Variants in PHF14 observed in about 807,000 individuals in gnomAD.
PHF14 encodes PHD finger protein 14.
Under a neutral mutation model 117.9 loss-of-function variants are expected in PHF14, and 55 were observed. That is an observed-to-expected ratio of 0.47 (90% confidence interval 0.38 to 0.58). PHF14 has a LOEUF of 0.58. Among genes scored for constraint, PHF14 ranks in the 20% least tolerant of loss-of-function variants. The pLI, the probability that PHF14 is intolerant of heterozygous loss-of-function variation, is 0.00. For missense variants in PHF14, 978 were observed against 1,122.2 expected, an observed-to-expected ratio of 0.87 and a Z score of 1.84; for synonymous variants, 409 against 368.6, an observed-to-expected ratio of 1.11 and a Z score of -1.26.
intron 16 of PHF14, chr7:11,103,388 A>G (rs1016478317): frequency 1.0e-6 from 1 of 977,000 alleles, no homozygotes; most frequent in East Asian, 1.1e-4. Context: ...GGGAAGTACA[A>G]AGATTATTGA....
chr7:11,061,973 C>G lies in PHF14; in HGVS notation c.2542C>G (p.Pro848Ala). ...PEEEKHEERV[P>A]RERRQRQSVL... is the part of the protein sequence containing the mutation. ...ATCCCTTGTATGGCAGGAAAGAGTT[C>G]CTAGAGAGAGAAGACAAAGACAGTC... is the stretch of plus-strand genomic sequence containing the variant. Residue 848 changes from proline (P) to alanine (A), a missense_variant, in exon 16 of 18, where the codon CCT becomes GCT. This residue lies in a region of PHF14 where 180 missense variants were observed against 195.4 expected (regional missense o/e 0.92). Coordinates refer to ENST00000634607, the MANE Select transcript of PHF14 (RefSeq NM_001007157.2). The G allele has an allele frequency of 6.3e-7, 1 of 1,594,880 alleles. No individual in the cohort carries two copies. Among genetic ancestry groups the G allele is most frequent in the Non-Finnish European group, 8.5e-7 (1 of 1,169,630 alleles).
At position 11,111,454 on chromosome 7, in the gene PHF14, C is replaced by T; in HGVS notation, c.2759C>T (p.Ser920Phe). The T allele has an allele frequency of 6.4e-7, 1 of 1,556,002 alleles. No individual in the cohort carries two copies. The highest frequency in any genetic ancestry group is 8.8e-7 in the Non-Finnish European group (1 of 1,130,660). The change falls in exon 17 of 18, where the codon TCT becomes TTT. Residue 920 changes from serine (S) to phenylalanine (F), a missense_variant. Physicochemically the swap from Ser to Phe is radical, Grantham distance 155. Coordinates refer to ENST00000634607, the MANE Select transcript of PHF14 (RefSeq NM_001007157.2). ...GGATGGATATGTCAGGAATGTGATT[C>T]TTCATCTTCCAAGGTAAGGGGAGAA... The part of the protein sequence containing the change: ...GYGWICQECD[S>F]SSSKEDENEA...
chr7:11,108,849 T>G (rs1428328272), intron 16 of PHF14: 2 of 151,796 alleles, frequency 1.3e-5, no homozygotes, highest in African/African-American at 4.8e-5. Context: ...ATGATACACA[T>G]GCATCATGAT....
chr7:11,124,179 A>G lies in PHF14; in HGVS notation c.2772+12712A>G, dbSNP rs564271036. On this transcript the variant is annotated intron_variant, in intron 17 of 17. Coordinates refer to ENST00000634607, the MANE Select transcript of PHF14 (RefSeq NM_001007157.2). ...TGAATATTGGAAAAAAATTTTAAAC[A>G]TAAAGAAGTATTTTAAATTATCTGC... Among the ~76,000 whole-genome samples, 18 of 152,282 alleles carry G rather than the reference A, an allele frequency of 1.2e-4. 1 individual carries two copies. In the South Asian group the frequency reaches 3.5e-3, roughly 30 times the overall value.
At chr7:11,005,260 T>G (rs1424153721) in intron 4 of PHF14, among the ~76,000 whole-genome samples, 1 of 152,216 alleles carries the variant, frequency 6.6e-6, no homozygotes, top group East Asian at 1.9e-4. Context: ...GGCTGCAAGA[T>G]GGAAATTTGC....
chr7:11,101,812 T>C (rs547680743), intron 16 of PHF14, among the ~76,000 whole-genome samples: 23 of 152,020 alleles, frequency 1.5e-4, no homozygotes, highest in African/African-American at 4.1e-4. Flanking sequence ...CAGATCTAAA[T>C]GTTTGAAGGA....
intron 3 of PHF14, among the ~76,000 whole-genome samples, chr7:10,987,003 C>T (rs970926981): frequency 1.4e-4 from 22 of 152,074 alleles, no homozygotes; most frequent in African/African-American, 4.8e-4. Flanking sequence ...TAAAAGTCTC[C>T]GTTAAGTACA....
chr7:11,119,393 A>G (rs551509113), intron 17 of PHF14, among the ~76,000 whole-genome samples: 13 of 152,012 alleles, frequency 8.6e-5, no homozygotes, highest in South Asian at 8.3e-4. Flanking sequence ...TAATCAACCA[A>G]TATATCATAG....
At chr7:11,004,948 C>T (rs970328276) in intron 4 of PHF14, among the ~76,000 whole-genome samples, 1 of 151,656 alleles carries the variant, frequency 6.6e-6, no homozygotes. Flanking sequence ...ACCTGGGAGG[C>T]GGAGGTTACA....
intron 14 of PHF14, among the ~76,000 whole-genome samples, chr7:11,059,467 T>G (rs936010277): frequency 2.6e-5 from 4 of 152,212 alleles, no homozygotes; most frequent in Non-Finnish European, 5.9e-5. Flanking sequence ...GTTACTAATT[T>G]GGAGCATCTT....
At chr7:11,040,636 T>G in intron 11 of PHF14, 36 bp from the exon 12 acceptor site, 1 of 1,141,410 alleles carries the variant, frequency 8.8e-7, no homozygotes, top group East Asian at 2.8e-5. Context: ...ATTTCTTTCT[T>G]AAAACAATAT....
intron 4 of PHF14, among the ~76,000 whole-genome samples, chr7:10,992,120 C>G (rs1438583991): frequency 1.3e-5 from 2 of 151,778 alleles, no homozygotes; most frequent in Non-Finnish European, 2.9e-5. Context: ...GCGACACAAT[C>G]TCAGGTCACT....
At chr7:11,086,433 A>T (rs1035508793) in intron 16 of PHF14, among the ~76,000 whole-genome samples, 2 of 152,114 alleles carry the variant, frequency 1.3e-5, no homozygotes, top group East Asian at 3.8e-4. Context: ...TTTATGTTAT[A>T]CCTTCTCTCT....
At chr7:11,036,958 G>A in intron 9 of PHF14, 27 bp from the exon 10 acceptor site, 1 of 1,425,424 alleles carries the variant, frequency 7.0e-7, no homozygotes. Flanking sequence ...TCCTACTAAA[G>A]TAAAATTCGA....
intron 16 of PHF14, chr7:11,063,421 A>G (rs940247371): frequency 4.1e-6 from 4 of 974,280 alleles, no homozygotes; most frequent in East Asian, 1.1e-4. Context: ...ATAAAAATAA[A>G]GAAAAAAAAT....
chr7:11,006,682 TC>T, intron 4 of PHF14: 1 of 629,310 alleles, frequency 1.6e-6, no homozygotes, highest in Non-Finnish European at 3.0e-6. Context: ...CTGGGGGAGC[TC>T]TTCCGAGGAT....
In PHF14 at chr7:11,126,558, C is replaced by T. The variant is rs79410317; in HGVS notation, c.2772+15091C>T. On this transcript the variant is annotated intron_variant, in intron 17 of 17. Transcript: ENST00000634607. ...TGCAGTGAAATAAACTTTCTCTCTT[C>T]GTTATTTAGCTGTTTCAAAATCCCT... Among the ~76,000 whole-genome samples the T allele has an allele frequency of 9.9e-3, 1,498 of 152,064 alleles. 23 individuals carry two copies. Among genetic ancestry groups the T allele is most frequent in the African/African-American group, 0.033 (1,352 of 41,518 alleles).
At position 11,166,863 on chromosome 7, in the gene PHF14, C is replaced by G. The variant is rs553200003; in HGVS notation, c.2773-2553C>G. The stretch of plus-strand genomic sequence containing the variant: ...GGTGTGAAACAGTTATGTACCTGTC[C>G]TGAACAGCAGGCAGTGTTAGAAGGC... On this transcript the variant is annotated intron_variant, in intron 17 of 17. Transcript: ENST00000634607. 2.6e-5 allele frequency among the ~76,000 whole-genome samples: 4 copies of G among 152,212 alleles called. 1 individual carries two copies. The South Asian group carries it at 6.2e-4, about 24-fold the overall frequency.
chr7:11,065,118 TGATTA>T (rs1295032792), intron 16 of PHF14, among the ~76,000 whole-genome samples: 2 of 152,092 alleles, frequency 1.3e-5, no homozygotes, highest in Non-Finnish European at 2.9e-5. Flanking sequence ...TTTTCTAAAA[TGATTA>T]GATTGAAGGT....
Sources: gnomAD v4.1 joint callset for allele counts (sites outside exome capture counted in the v4.1 genomes callset) on GRCh38, gnomAD v4.1.1 for gene constraint, gnomAD v4.1.1 regional missense constraint, MANE v1.5 for transcripts, NCBI Gene and HGNC (gene_info 2026-07-23, HGNC 2026-07-21) for gene names.